Variants in SUGCT observed in about 807,000 individuals in gnomAD.
The protein encoded by SUGCT is succinyl-CoA:glutarate-CoA transferase, also known as succinyl-CoA:glutarate CoA-transferase.
A neutral mutation model predicts 55.0 loss-of-function variants in SUGCT; 41 were observed. That is an observed-to-expected ratio of 0.74 (90% CI 0.58 to 0.97). The LOEUF is 0.97. Ranked by LOEUF, SUGCT falls within the 50% of genes least tolerant of loss-of-function variation. The probability of loss-of-function intolerance (pLI) is 0.00; values close to 1 mark genes in which losing one functional copy is unlikely to be tolerated. For missense variants in SUGCT, 568 were observed against 547.8 expected (o/e 1.04, Z -0.37); for synonymous variants, 187 against 200.4 (o/e 0.93, Z 0.56).
chr7:40,912,056 A>G, the SUGCT span, among the ~76,000 whole-genome samples: 13 of 152,304 alleles, frequency 8.5e-5, no homozygotes, highest in African/African-American at 3.1e-4. Context: ...TTATATGACA[A>G]ATTTACTGCC....
At chr7:40,440,642 A>G (rs975193675) in intron 9 of SUGCT, among the ~76,000 whole-genome samples, 3 of 152,096 alleles carry the variant, frequency 2.0e-5, no homozygotes, top group East Asian at 1.9e-4. Context: ...AAATTTTACC[A>G]TCTCAATCTA....
intron 8 of SUGCT, among the ~76,000 whole-genome samples, chr7:40,307,537 CT>C (rs1269687444): frequency 2.6e-5 from 4 of 152,180 alleles, no homozygotes; most frequent in Non-Finnish European, 5.9e-5. Context: ...GATTATCAGA[CT>C]ACTCAGTGCT....
chr7:40,981,211 C>A, the SUGCT span, among the ~76,000 whole-genome samples: 1 of 152,110 alleles, frequency 6.6e-6, no homozygotes, highest in Non-Finnish European at 1.5e-5. Flanking sequence ...GGATTGGCAG[C>A]CCTGATGAAG....
chr7:40,165,255 T>A (rs1262206801), intron 1 of SUGCT, among the ~76,000 whole-genome samples: 3 of 152,184 alleles, frequency 2.0e-5, no homozygotes, highest in Non-Finnish European at 4.4e-5. Context: ...TTTTTTTTAA[T>A]CTCAATAGTT....
At chr7:40,603,319 A>G (rs1485328412) in intron 12 of SUGCT, among the ~76,000 whole-genome samples, 2 of 152,200 alleles carry the variant, frequency 1.3e-5, no homozygotes, top group Non-Finnish European at 2.9e-5. Flanking sequence ...TTTCTTTGGT[A>G]TTCTTGTGTG....
intron 8 of SUGCT, among the ~76,000 whole-genome samples, chr7:40,280,930 A>G (rs1011550633): frequency 2.0e-5 from 3 of 152,050 alleles, no homozygotes; most frequent in African/African-American, 7.2e-5. Context: ...GAGTGGGGAG[A>G]GATCTGGGAC....
At chr7:40,413,649 G>T (rs1786813115) in intron 9 of SUGCT, among the ~76,000 whole-genome samples, 1 of 152,052 alleles carries the variant, frequency 6.6e-6, no homozygotes, top group African/African-American at 2.4e-5. Flanking sequence ...ACAGTAAATA[G>T]AAATATTTAT....
At chr7:40,236,689 T>A (rs911378058) in intron 6 of SUGCT, among the ~76,000 whole-genome samples, 3 of 152,100 alleles carry the variant, frequency 2.0e-5, no homozygotes, top group Admixed American at 1.3e-4. Flanking sequence ...GTCAGGGAAG[T>A]ACTTGAAACC....
At chr7:40,699,079 G>T (rs957911646) in intron 12 of SUGCT, among the ~76,000 whole-genome samples, 1 of 152,264 alleles carries the variant, frequency 6.6e-6, no homozygotes, top group East Asian at 1.9e-4. Flanking sequence ...GTTACAGGGT[G>T]GGGGAGGCAC....
intron 9 of SUGCT, among the ~76,000 whole-genome samples, chr7:40,433,856 C>A (rs557487056): frequency 2.0e-4 from 30 of 152,224 alleles, no homozygotes; most frequent in African/African-American, 7.2e-4. Flanking sequence ...ATTTATAGAA[C>A]AGGAATCCCA....
the SUGCT span, among the ~76,000 whole-genome samples, chr7:40,871,360 GGA>G: frequency 6.6e-6 from 1 of 152,118 alleles, no homozygotes; most frequent in Non-Finnish European, 1.5e-5. Context: ...CTAGCTATGT[GGA>G]GAGAGAGGGG....
chr7:40,557,832 A>G (rs1476923363), intron 12 of SUGCT, among the ~76,000 whole-genome samples: 1 of 151,984 alleles, frequency 6.6e-6, no homozygotes, highest in Non-Finnish European at 1.5e-5. Context: ...AACCCACAGA[A>G]TGGGAGAAAA....
chr7:40,580,572 G>A (rs1437765295), intron 12 of SUGCT, among the ~76,000 whole-genome samples: 1 of 152,158 alleles, frequency 6.6e-6, no homozygotes, highest in Non-Finnish European at 1.5e-5. Flanking sequence ...AATATCCCAG[G>A]TGGTGTATTT....
chr7:40,665,509 A>T (rs1166958413), intron 12 of SUGCT, among the ~76,000 whole-genome samples: 1 of 152,062 alleles, frequency 6.6e-6, no homozygotes, highest in Non-Finnish European at 1.5e-5. Flanking sequence ...GAGAAAAACC[A>T]GGAAAATCCA....
chr7:40,988,877 C>T, the SUGCT span, among the ~76,000 whole-genome samples: 2 of 130,004 alleles, frequency 1.5e-5, no homozygotes, highest in Non-Finnish European at 3.3e-5. Context: ...ATTTCTAGCA[C>T]ATTCTTAATT....
chr7:40,239,400 C>T (rs1789223459), intron 7 of SUGCT, among the ~76,000 whole-genome samples: 1 of 152,074 alleles, frequency 6.6e-6, no homozygotes, highest in African/African-American at 2.4e-5. Flanking sequence ...TTCAAGAGCA[C>T]CAGTTTTCTT....
chr7:40,181,920 G>T, intron 2 of SUGCT, 35 bp from the exon 3 acceptor site: 1 of 1,250,782 alleles, frequency 8.0e-7, no homozygotes, highest in South Asian at 1.4e-5. Context: ...TTTTCAAGAT[G>T]GTAATTAATT....
chr7:40,455,199 GTCATTAAACATCTA>G (rs1789414403), intron 10 of SUGCT, among the ~76,000 whole-genome samples: 1 of 152,182 alleles, frequency 6.6e-6, no homozygotes, highest in Admixed American at 6.5e-5. Context: ...TCCCTAAGCA[GTCATTAAACATCTA>G]TCATTAAACA....
At chr7:40,573,114 A>G (rs1367558194) in intron 12 of SUGCT, among the ~76,000 whole-genome samples, 1 of 152,190 alleles carries the variant, frequency 6.6e-6, no homozygotes, top group Non-Finnish European at 1.5e-5. Context: ...ATACCAGAGC[A>G]ACTTAAAAAC....
Sources: allele counts gnomAD v4.1 joint callset (sites outside exome capture counted in the v4.1 genomes callset), GRCh38; gene constraint gnomAD v4.1.1; transcripts MANE v1.5; gene names NCBI Gene and HGNC (gene_info 2026-07-23, HGNC 2026-07-21).